Variants in RABGAP1L observed in about 807,000 individuals in gnomAD.
RABGAP1L encodes the protein rab GTPase-activating protein 1-like.
In RABGAP1L, 63 loss-of-function variants were observed where a neutral mutation model predicts 137.7. The ratio of observed to expected loss-of-function variants is 0.46; its 90% confidence interval spans 0.37 to 0.56. The LOEUF (loss-of-function observed/expected upper bound fraction) is 0.56. Among genes scored for constraint, RABGAP1L ranks in the 20% least tolerant of loss-of-function variants. The probability of loss-of-function intolerance (pLI) is 0.00; values close to 1 mark genes in which losing one functional copy is unlikely to be tolerated. For synonymous variants in RABGAP1L, 431 were observed against 433.7 expected (o/e 0.99, Z 0.08); for missense variants, 1,095 against 1,244.0 (o/e 0.88, Z 1.80).
chr1:174,337,509 A>T (rs1681593092), intron 11 of RABGAP1L, among the ~76,000 whole-genome samples: 1 of 152,198 alleles, frequency 6.6e-6, no homozygotes, highest in Non-Finnish European at 1.5e-5. Context: ...TTAATTGTAT[A>T]AAGCAGTGGA....
chr1:174,254,684 T>A (rs1312795205), intron 7 of RABGAP1L, among the ~76,000 whole-genome samples: 2 of 152,210 alleles, frequency 1.3e-5, no homozygotes, highest in Non-Finnish European at 2.9e-5. Flanking sequence ...TTTTTATGGC[T>A]GCATAGTATT....
intron 11 of RABGAP1L, among the ~76,000 whole-genome samples, chr1:174,317,065 A>G (rs1679443897): frequency 6.6e-6 from 1 of 151,804 alleles, no homozygotes; most frequent in South Asian, 2.1e-4. Context: ...TGGCCAGGGC[A>G]GGTTTAGAAG....
chr1:174,881,594 G>A (rs565512003), intron 19 of RABGAP1L, among the ~76,000 whole-genome samples: 1 of 147,974 alleles, frequency 6.8e-6, no homozygotes, highest in South Asian at 2.1e-4. Context: ...TCGCCTCCTG[G>A]GTTCAAGCAA....
At chr1:174,988,607 G>A (rs1671811587) in intron 24 of RABGAP1L, 34 bp from the exon 25 acceptor site, 1 of 1,456,484 alleles carries the variant, frequency 6.9e-7, no homozygotes, top group Non-Finnish European at 9.1e-7. Context: ...CTATGGAATA[G>A]TTTGATGTTG....
chr1:174,458,540 G>A (rs896931933), intron 13 of RABGAP1L, among the ~76,000 whole-genome samples: 4 of 151,938 alleles, frequency 2.6e-5, no homozygotes, highest in Non-Finnish European at 5.9e-5. Context: ...TGATTCCCCT[G>A]TATGATTCCA....
chr1:174,219,066 T>TA, intron 1 of RABGAP1L, 59 bp from the exon 2 acceptor site: 1 of 1,255,120 alleles, frequency 8.0e-7, no homozygotes, highest in Non-Finnish European at 1.1e-6. Context: ...TTCATGTTTT[T>TA]AATTAGTTCA....
intron 13 of RABGAP1L, among the ~76,000 whole-genome samples, chr1:174,521,948 G>A (rs1213149079): frequency 2.6e-5 from 4 of 152,016 alleles, no homozygotes; most frequent in Non-Finnish European, 5.9e-5. Context: ...ATGTGGTGGT[G>A]CGCACCTGTA....
chr1:174,274,842 G>A (rs1479450916), intron 8 of RABGAP1L, among the ~76,000 whole-genome samples: 1 of 152,066 alleles, frequency 6.6e-6, no homozygotes, highest in African/African-American at 2.4e-5. Context: ...TTTATAGGGG[G>A]TTCAGAGAAA....
chr1:174,860,911 A>ATGTG (rs544565025), intron 19 of RABGAP1L, among the ~76,000 whole-genome samples: 4 of 151,110 alleles, frequency 2.6e-5, no homozygotes, highest in Admixed American at 1.3e-4. Flanking sequence ...CATATAGTTA[A>ATGTG]TGTGTGTGTG....
rs1384597314 is a variant in RABGAP1L at position 174,272,448 on chromosome 1, G to A, written c.1021G>A (p.Val341Met). ...AATGTTATTAAGCCCAGGTCGAAAC[G>A]TGAAGAACAGTGACATGCATTTACT... ...FGMLLSPGRN[V>M]KNSDMHLLDM... Residue 341 changes from valine (V) to methionine (M), a missense_variant, in exon 8 of 26, where the codon GTG becomes ATG. Coordinates refer to ENST00000681986, the MANE Select transcript of RABGAP1L (RefSeq NM_001366446.1). 27 of 1,600,784 alleles carry A rather than the reference G, an allele frequency of 1.7e-5. No homozygotes were observed. Among genetic ancestry groups the A allele is most frequent in the East Asian group, 4.5e-5 (2 of 44,190 alleles).
intron 17 of RABGAP1L, among the ~76,000 whole-genome samples, chr1:174,737,127 C>T (rs1683020114): frequency 6.6e-6 from 1 of 152,180 alleles, no homozygotes; most frequent in Non-Finnish European, 1.5e-5. Context: ...CTTTTTCATG[C>T]TCTGCCACAT....
intron 12 of RABGAP1L, among the ~76,000 whole-genome samples, chr1:174,391,333 A>G (rs1009907412): frequency 1.3e-5 from 2 of 152,006 alleles, no homozygotes; most frequent in African/African-American, 4.8e-5. Flanking sequence ...AATGTTCTTA[A>G]TTTTTAAATT....
At chr1:174,198,715 A>G (rs576040567) in intron 1 of RABGAP1L, among the ~76,000 whole-genome samples, 1 of 152,360 alleles carries the variant, frequency 6.6e-6, no homozygotes, top group South Asian at 2.1e-4. Context: ...AAAAGTTCAT[A>G]TTATTGGCCG....
At chr1:174,712,460 T>C (rs1265355122) in intron 17 of RABGAP1L, among the ~76,000 whole-genome samples, 1 of 152,112 alleles carries the variant, frequency 6.6e-6, no homozygotes, top group African/African-American at 2.4e-5. Context: ...GGTCTGCAGC[T>C]TCACTTCTGA....
chr1:174,922,989 C>T (rs964163866), intron 19 of RABGAP1L, among the ~76,000 whole-genome samples: 17 of 151,962 alleles, frequency 1.1e-4, no homozygotes, highest in African/African-American at 3.1e-4. Context: ...GCCCGGGCAA[C>T]AGAGGGAGAC....
chr1:174,541,890 T>G lies in RABGAP1L; in HGVS notation c.1711-95485T>G, dbSNP rs186516338. ...CTTTGGTTCTGTTTATATGATGGATTATGTTTATTGATTTGCGTATGTTGA... is the reference window on the plus strand; with the variant it reads ...CTTTGGTTCTGTTTATATGATGGATGATGTTTATTGATTTGCGTATGTTGA... On this transcript the variant is annotated intron_variant, in intron 13 of 25. Coordinates refer to ENST00000681986, the MANE Select transcript of RABGAP1L (RefSeq NM_001366446.1). Among the ~76,000 whole-genome samples the G allele has an allele frequency of 1.1e-4, 16 of 152,376 alleles. No homozygotes were observed. The East Asian group carries it at 3.1e-3, about 29-fold the overall frequency.
At chr1:174,620,682 G>T (rs1381281661) in intron 13 of RABGAP1L, among the ~76,000 whole-genome samples, 1 of 151,894 alleles carries the variant, frequency 6.6e-6, no homozygotes, top group African/African-American at 2.4e-5. Context: ...AGAGAAAGCA[G>T]GAAAGATCTA....
chr1:174,479,995 A>T (rs184527720), intron 13 of RABGAP1L, among the ~76,000 whole-genome samples: 1 of 152,134 alleles, frequency 6.6e-6, no homozygotes, highest in African/African-American at 2.4e-5. Context: ...GTTGGTTCTC[A>T]TGTTTTTTGT....
At chr1:174,841,627 TATG>T (rs1359818397) in intron 19 of RABGAP1L, among the ~76,000 whole-genome samples, 4 of 152,008 alleles carry the variant, frequency 2.6e-5, no homozygotes, top group Non-Finnish European at 4.4e-5. Context: ...TTTTTAAAAA[TATG>T]ATATTAAGTT....
Sources: gnomAD v4.1 joint callset for allele counts (sites outside exome capture counted in the v4.1 genomes callset) on GRCh38, gnomAD v4.1.1 for gene constraint, MANE v1.5 for transcripts, NCBI Gene and HGNC (gene_info 2026-07-23, HGNC 2026-07-21) for gene names.